Variants in CNTROB observed in about 807,000 individuals in gnomAD.
CNTROB encodes the protein centrobin, centriole duplication and spindle assembly protein.
In CNTROB, 82 loss-of-function variants were observed where a neutral mutation model predicts 115.7. The observed-to-expected ratio is 0.71, with a 90% confidence interval of 0.59 to 0.85. The LOEUF (loss-of-function observed/expected upper bound fraction) is 0.85. CNTROB is among the 40% of genes least tolerant of loss of function. The probability of loss-of-function intolerance (pLI) is 0.00; values close to 1 mark genes in which losing one functional copy is unlikely to be tolerated. For missense variants in CNTROB, 1,014 were observed against 1,144.4 expected (o/e 0.89, Z 1.64); for synonymous variants, 439 against 456.4 (o/e 0.96, Z 0.49).
chr17:7,939,749 G>A lies in CNTROB; in HGVS notation c.1164G>A (p.Lys388=). 1 of 1,613,560 alleles carries A rather than the reference G, an allele frequency of 6.2e-7. No homozygotes were observed. Among genetic ancestry groups the A allele is most frequent in the South Asian group, 1.1e-5 (1 of 91,042 alleles). ...GCCAGGCTCAGCTGGAAAGGGAGAA[G>A]GTAAAAGTGGCAGTTGGAAGAGCTG... ...EESQAQLERE[K]EKSQREAQAA... Residue 388 remains lysine, a splice_region_variant and synonymous_variant, in exon 8 of 19, where the codon AAG becomes AAA. Coordinates refer to ENST00000563694, the MANE Select transcript of CNTROB (RefSeq NM_053051.5). This position sits in a 1 kb window ranked among gnomAD's most constrained non-coding sequence, Gnocchi z 4.4.
intron 4 of CNTROB, among the ~76,000 whole-genome samples, chr17:7,935,459 G>A (rs1434258214): frequency 1.3e-5 from 2 of 151,804 alleles, no homozygotes; most frequent in Non-Finnish European, 2.9e-5. Flanking sequence ...CCGAGATCAT[G>A]CCGCTGCACT....
Position 7,940,774 on chromosome 17 carries a change from T to A in CNTROB, c.1311+532T>A, listed in dbSNP as rs79150118. ...TACACTTTGAAAAACTCTTTCCATC[T>A]AGCTAACACACTGAATTTTAAATTC... On this transcript the variant is annotated intron_variant, in intron 9 of 18. Transcript: ENST00000563694. Among the ~76,000 whole-genome samples the A allele has an allele frequency of 0.013, 2,027 of 152,336 alleles. 99 individuals carry two copies. The East Asian group carries it at 0.18, about 14-fold the overall frequency.
At chr17:7,942,481 C>T (rs913775677) in intron 9 of CNTROB, among the ~76,000 whole-genome samples, 2 of 150,396 alleles carry the variant, frequency 1.3e-5, no homozygotes, top group African/African-American at 4.9e-5. Context: ...CCTGTAGTTG[C>T]AGCTACTTGG....
upstream of CNTROB, chr17:7,932,162 C>A: frequency 3.1e-6 from 1 of 317,596 alleles, no homozygotes; most frequent in South Asian, 4.5e-5. Flanking sequence ...AGCGTGGTCT[C>A]GCGGGCGGGT....
rs1974344323 is a variant in CNTROB at position 7,944,891 on chromosome 17, G to A, written c.1734+253G>A. Among the ~76,000 whole-genome samples, 1 of 152,066 alleles carries A rather than the reference G, an allele frequency of 6.6e-6. No individual in the cohort carries two copies. Among genetic ancestry groups the A allele is most frequent in the Non-Finnish European group, 1.5e-5 (1 of 68,022 alleles). ...TTTGGAAATCTAGCTCCCTCCCAAG[G>A]GAAGTACTAAGTTCAGCTCCTAAGG... On this transcript the variant is annotated intron_variant, in intron 12 of 18. Coordinates refer to ENST00000563694, the MANE Select transcript of CNTROB (RefSeq NM_053051.5). This position sits in a 1 kb window ranked among gnomAD's most constrained non-coding sequence, Gnocchi z 4.0.
At chr17:7,936,524 G>A (rs746608433) in intron 5 of CNTROB, 42 bp downstream of exon 5, 3 of 839,286 alleles carry the variant, frequency 3.6e-6, no homozygotes, top group Non-Finnish European at 6.4e-6. Context: ...TCCATGAAGA[G>A]CATTAAGGAA....
Position 7,947,958 on chromosome 17 carries a change from G to A in CNTROB, c.2188G>A (p.Asp730Asn), listed in dbSNP as rs569035801. ...CCAGAACAATGAGAACCCTTCTGTC[G>A]ACCTGTTGCCCCCTAAGTCTGGTGA... The part of the protein sequence containing the change: ...VPQNNENPSV[D>N]LLPPKSGPLT... The change falls in exon 15 of 19, where the codon GAC becomes AAC. Residue 730 changes from aspartate (D) to asparagine (N), a missense_variant. Transcript: ENST00000563694. 1.5e-5 allele frequency: 25 copies of A among 1,613,910 alleles called. No homozygotes were observed. In the South Asian group the frequency reaches 1.9e-4, roughly 12 times the overall value.
chr17:7,949,413 T>C lies in CNTROB; in HGVS notation c.2615T>C (p.Leu872Pro), dbSNP rs1974952675. 1 of 1,613,982 alleles carries C rather than the reference T, an allele frequency of 6.2e-7. No homozygotes were observed. Residue 872 changes from leucine (L) to proline (P), a missense_variant, in exon 19 of 19, where the codon CTT becomes CCT. Coordinates refer to ENST00000563694, the MANE Select transcript of CNTROB (RefSeq NM_053051.5). ...CCCTCCCAGGCTGTCCCTCGCCGCC[T>C]TGCTACAGCCCCCAAGACTGAAAAA... ...EIPSQAVPRR[L>P]ATAPKTEKPP...
rs1172861632 is a variant in CNTROB, at chr17:7,944,242, A to C, written c.1565A>C (p.Glu522Ala). The change falls in exon 11 of 19, where the codon GAG becomes GCG. Residue 522 changes from glutamate to alanine, a missense_variant. Physicochemically the swap from Glu to Ala is moderately radical, Grantham distance 107. Transcript: ENST00000563694. This position sits in a 1 kb window ranked among gnomAD's most constrained non-coding sequence, Gnocchi z 4.0. ...CAACAGCAGGTGGCTGAGGACTACG[A>C]GCTCAGGTCCTGGTCCCCAGAGTGC... ...ERQQQVAEDY[E>A]LRLAREQARV... is the part of the protein sequence containing the mutation. 1 of 1,613,944 alleles carries C rather than the reference A, an allele frequency of 6.2e-7. No homozygotes were observed. Among genetic ancestry groups the C allele is most frequent in the Non-Finnish European group, 8.5e-7 (1 of 1,179,810 alleles).
In CNTROB at chr17:7,932,997, C is replaced by A; in HGVS notation, c.-83C>A. ...TCTTCCTCCCTTCTCCCAAGTCTTT[C>A]TCCGTGAACTTTTCCTCCTGGACTT... On this transcript the variant is annotated 5_prime_UTR_variant, in exon 1 of 19. Transcript: ENST00000563694. 1.4e-6 allele frequency: 2 copies of A among 1,441,986 alleles called. No individual in the cohort carries two copies. Among genetic ancestry groups the A allele is most frequent in the Non-Finnish European group, 1.9e-6 (2 of 1,062,560 alleles). The allele number at this position is 1,441,986 out of a possible 1,614,324, so 89.3% of individuals were successfully genotyped here.
chr17:7,939,646 C>T lies in CNTROB; in HGVS notation c.1061C>T (p.Ala354Val), dbSNP rs1254262156. 1 of 1,613,922 alleles carries T rather than the reference C, an allele frequency of 6.2e-7. No individual in the cohort carries two copies. The highest frequency in any genetic ancestry group is 1.7e-5 in the Admixed American group (1 of 60,002). ...CGAGAGTTGGAGACTCTTCGGGCTGCCCTAGAAGAAGAACGGCAGACCTGG... is the reference window on the plus strand; with the variant it reads ...CGAGAGTTGGAGACTCTTCGGGCTGTCCTAGAAGAAGAACGGCAGACCTGG... Reference protein sequence around the residue: ...EHRELETLRAALEEERQTWAQ... With the variant: ...EHRELETLRAVLEEERQTWAQ... Residue 354 changes from alanine (A) to valine (V), a missense_variant, in exon 8 of 19, where the codon GCC becomes GTC. Transcript: ENST00000563694. The surrounding 1 kb of genome is among the most constrained non-coding windows in gnomAD (Gnocchi z 4.4).
At chr17:7,937,467 A>G (rs1314027588) in intron 7 of CNTROB, among the ~76,000 whole-genome samples, 1 of 152,238 alleles carries the variant, frequency 6.6e-6, no homozygotes, top group Non-Finnish European at 1.5e-5. Context: ...GAAACTCTGC[A>G]AATTGTATCA....
At position 7,948,464 on chromosome 17, in the gene CNTROB, G is replaced by T; in HGVS notation, c.2381-23G>T. 2 of 1,614,078 alleles carry T rather than the reference G, an allele frequency of 1.2e-6. No homozygotes were observed. Among genetic ancestry groups the T allele is most frequent in the South Asian group, 2.2e-5 (2 of 91,078 alleles). On this transcript the variant is annotated intron_variant, in intron 16 of 18. Coordinates refer to ENST00000563694, the MANE Select transcript of CNTROB (RefSeq NM_053051.5). The surrounding 1 kb of genome is among the most constrained non-coding windows in gnomAD (Gnocchi z 4.4). The stretch of plus-strand genomic sequence containing the variant: ...GGAGACAGGCCCTAGGATGACGCCT[G>T]TGATTATTGCGATGTCTGTCAGGTG...
rs747022294 is a variant in CNTROB at position 7,935,161 on chromosome 17, T to G, written c.594+16T>G. The G allele has an allele frequency of 1.2e-6, 2 of 1,613,918 alleles. No homozygotes were observed. The highest frequency in any genetic ancestry group is 1.7e-6 in the Non-Finnish European group (2 of 1,180,006). ...CCGCCGCAAGGTAAGATGCAAACGC[T>G]TCCTTTCGAAAGCAGCAAAGATTAG... On this transcript the variant is annotated intron_variant, in intron 4 of 18. Coordinates refer to ENST00000563694, the MANE Select transcript of CNTROB (RefSeq NM_053051.5).
At chr17:7,936,066 T>C (rs1973130255) in intron 4 of CNTROB, 2 of 330,228 alleles carry the variant, frequency 6.1e-6, no homozygotes, top group South Asian at 8.4e-5. Flanking sequence ...CATTTTGCTG[T>C]GTGGGCTGCT....
At chr17:7,947,834 T>C (rs907131207) in intron 14 of CNTROB, 82 bp from the exon 15 acceptor site, 193 of 1,609,664 alleles carry the variant, frequency 1.2e-4, no homozygotes, top group Non-Finnish European at 1.6e-4. Context: ...GACTAACTCT[T>C]TGTCCCAGCT....
chr17:7,944,116 C>A lies in CNTROB; in HGVS notation c.1446-7C>A. The A allele has an allele frequency of 6.2e-7, 1 of 1,607,268 alleles. No individual in the cohort carries two copies. ...CTCAGGCCTCTTCTCCTACCTGTGC[C>A]CTGTAGGAAGCAGCTGCAGGACCTG... On this transcript the variant is annotated splice_region_variant and splice_polypyrimidine_tract_variant and intron_variant, in intron 10 of 18. Coordinates refer to ENST00000563694, the MANE Select transcript of CNTROB (RefSeq NM_053051.5). This position sits in a 1 kb window ranked among gnomAD's most constrained non-coding sequence, Gnocchi z 4.0.
chr17:7,940,219 C>A lies in CNTROB; in HGVS notation c.1288C>A (p.Gln430Lys). 2 of 1,609,252 alleles carry A rather than the reference C, an allele frequency of 1.2e-6. No homozygotes were observed. The highest frequency in any genetic ancestry group is 1.1e-5 in the South Asian group (1 of 90,658). The change falls in exon 9 of 19, where the codon CAG becomes AAG. Residue 430 changes from glutamine (Q) to lysine (K), a missense_variant. Coordinates refer to ENST00000563694, the MANE Select transcript of CNTROB (RefSeq NM_053051.5). ...AGCTCGGAGAGAGAGAGATGCCCTG[C>A]AGCTGGAAATGAGCTTGGTGCAGGT... is the stretch of plus-strand genomic sequence containing the variant. ...DTARRERDALQLEMSLVQARY... is the reference protein window; with the variant it reads ...DTARRERDALKLEMSLVQARY...
rs773110772 is a variant in CNTROB at position 7,944,091 on chromosome 17, C to T, written c.1446-32C>T. The T allele has an allele frequency of 1.9e-6, 3 of 1,575,296 alleles. No individual in the cohort carries two copies. In the Admixed American group the frequency reaches 5.0e-5, roughly 26 times the overall value. ...GTTGGTCACTTCTTCTGTCTCCAGT[C>T]TCAGGCCTCTTCTCCTACCTGTGCC... On this transcript the variant is annotated intron_variant, in intron 10 of 18. Transcript: ENST00000563694. The surrounding 1 kb of genome is among the most constrained non-coding windows in gnomAD (Gnocchi z 4.0).
Sources: gnomAD v4.1 joint callset for allele counts (sites outside exome capture counted in the v4.1 genomes callset) on GRCh38, gnomAD v4.1.1 for gene constraint, Gnocchi (gnomAD v3.1) non-coding constraint, MANE v1.5 for transcripts, NCBI Gene and HGNC (gene_info 2026-07-23, HGNC 2026-07-21) for gene names.